FMNL2: variants seen among roughly 807,000 people sequenced by gnomAD.
FMNL2 encodes the protein formin-like protein 2.
Under a neutral mutation model 130.2 loss-of-function variants are expected in FMNL2, and 51 were observed. That is an observed-to-expected ratio of 0.39 (90% confidence interval 0.31 to 0.49). FMNL2 has a LOEUF of 0.49. Among genes scored for constraint, FMNL2 ranks in the 20% least tolerant of loss-of-function variants. FMNL2 has a pLI of 0.85. For synonymous variants in FMNL2, 465 were observed against 467.1 expected (o/e 1.00, Z 0.06); for missense variants, 977 against 1,316.2 (o/e 0.74, Z 3.99).
intron 1 of FMNL2, among the ~76,000 whole-genome samples, chr2:152,346,081 G>T (rs1281805623): frequency 6.6e-6 from 1 of 151,826 alleles, no homozygotes; most frequent in East Asian, 1.9e-4. Flanking sequence ...CTGGAGTGCA[G>T]TGGCACAATC....
In FMNL2 at chr2:152,442,225, G is replaced by A. The variant is rs147887108; in HGVS notation, c.118-79718G>A. On this transcript the variant is annotated intron_variant, in intron 1 of 25. Coordinates refer to ENST00000288670, the MANE Select transcript of FMNL2 (RefSeq NM_052905.4). ...TTAATGAGCCATGCTTCTCACTTCT[G>A]TCCTTTTTCTTTTTTTCTTTCTTTT... Among the ~76,000 whole-genome samples, 834 of 151,764 alleles carry A rather than the reference G, an allele frequency of 5.5e-3. 9 individuals are homozygous for A. The highest frequency in any genetic ancestry group is 8.9e-3 in the Non-Finnish European group (603 of 67,870).
At chr2:152,407,365 T>A (rs181020870) in intron 1 of FMNL2, among the ~76,000 whole-genome samples, 3 of 152,264 alleles carry the variant, frequency 2.0e-5, no homozygotes, top group Non-Finnish European at 2.9e-5. Flanking sequence ...TACAGTCGTT[T>A]GGGAGAAACC....
chr2:152,444,421 C>A (rs557132983), intron 1 of FMNL2, among the ~76,000 whole-genome samples: 1 of 152,184 alleles, frequency 6.6e-6, no homozygotes, highest in African/African-American at 2.4e-5. Context: ...AGGCCCCATT[C>A]GGGTTTGCCT....
At chr2:152,555,898 C>A (rs560006484) in intron 4 of FMNL2, among the ~76,000 whole-genome samples, 3 of 152,308 alleles carry the variant, frequency 2.0e-5, no homozygotes, top group African/African-American at 4.8e-5. Flanking sequence ...GCTATGGGAA[C>A]CCTGAATATA....
chr2:152,590,008 T>TATATAC (rs1553482729), intron 9 of FMNL2, among the ~76,000 whole-genome samples: 1 of 86,832 alleles, frequency 1.2e-5, no homozygotes, highest in Non-Finnish European at 2.4e-5. Flanking sequence ...TATATATATA[T>TATATAC]ACATATACAT....
In FMNL2 at chr2:152,640,060, AG is replaced by A. The variant is rs1682949883; in HGVS notation, c.3045+5del. 1 of 1,548,480 alleles carries A rather than the reference AG, an allele frequency of 6.5e-7. No individual in the cohort carries two copies. Among genetic ancestry groups the A allele is most frequent in the Non-Finnish European group, 8.7e-7 (1 of 1,146,426 alleles). On this transcript the variant is annotated splice_donor_5th_base_variant and intron_variant, in intron 24 of 25. Coordinates refer to ENST00000288670, the MANE Select transcript of FMNL2 (RefSeq NM_052905.4). Reference sequence around the variant, plus strand: ...GATGGAGCAGCAGGATCCAAAGGTAAGAAGTGCCGCACTCATGAGACAGGTC... The same window carrying A: ...GATGGAGCAGCAGGATCCAAAGGTAAAAGTGCCGCACTCATGAGACAGGTC...
intron 6 of FMNL2, among the ~76,000 whole-genome samples, chr2:152,568,954 G>A (rs1027954733): frequency 1.3e-5 from 2 of 152,100 alleles, no homozygotes; most frequent in Admixed American, 6.5e-5. Flanking sequence ...TAGCTTATGA[G>A]TAGAGGTCTT....
chr2:152,553,036 G>C (rs1695023524), intron 4 of FMNL2, among the ~76,000 whole-genome samples: 1 of 152,138 alleles, frequency 6.6e-6, no homozygotes, highest in Non-Finnish European at 1.5e-5. Flanking sequence ...GCATGAGATG[G>C]CAGAAGGAAT....
At chr2:152,547,008 C>G (rs754476627) in intron 3 of FMNL2, among the ~76,000 whole-genome samples, 1 of 151,318 alleles carries the variant, frequency 6.6e-6, no homozygotes, top group African/African-American at 2.4e-5. Flanking sequence ...TGCAGTGGCC[C>G]GATTTCGGCT....
chr2:152,611,431 T>G, intron 10 of FMNL2, 64 bp from the exon 11 acceptor site: 1 of 803,760 alleles, frequency 1.2e-6, no homozygotes, highest in Non-Finnish European at 2.0e-6. Context: ...TGAAAGCACA[T>G]GTCTGCAGTT....
chr2:152,589,940 CAT>C (rs771625998), intron 9 of FMNL2, among the ~76,000 whole-genome samples: 3,356 of 66,626 alleles, frequency 0.05, 97 homozygotes, highest in African/African-American at 0.11. Context: ...TGGCTTTATA[CAT>C]ATATATATAT....
intron 1 of FMNL2, among the ~76,000 whole-genome samples, chr2:152,448,286 A>T (rs1688459806): frequency 6.6e-6 from 1 of 152,064 alleles, no homozygotes; most frequent in South Asian, 2.1e-4. Context: ...TTATTGCTTA[A>T]TTTTAAATTT....
chr2:152,437,557 A>AT (rs1687831662), intron 1 of FMNL2, among the ~76,000 whole-genome samples: 1 of 152,138 alleles, frequency 6.6e-6, no homozygotes, highest in South Asian at 2.1e-4. Context: ...AGATTGCTGG[A>AT]TTGATTTAGT....
At chr2:152,337,732 G>T (rs1443307401) in intron 1 of FMNL2, among the ~76,000 whole-genome samples, 1 of 152,120 alleles carries the variant, frequency 6.6e-6, no homozygotes, top group African/African-American at 2.4e-5. Context: ...ACACTACTGT[G>T]TGTCGCAGTT....
At chr2:152,576,221 A>G (rs2105696993) in intron 7 of FMNL2, among the ~76,000 whole-genome samples, 1 of 152,328 alleles carries the variant, frequency 6.6e-6, no homozygotes, top group Middle Eastern at 3.4e-3. Context: ...TAAATTTAAG[A>G]AGGGAAACAT....
At chr2:152,375,877 C>CTATATATATATATATATATATATATA (rs61564333) in intron 1 of FMNL2, among the ~76,000 whole-genome samples, 1 of 112,482 alleles carries the variant, frequency 8.9e-6, no homozygotes. Context: ...CTCTCTCTCT[C>CTATATATATATATATATATATATATA]TATATATATA....
intron 1 of FMNL2, among the ~76,000 whole-genome samples, chr2:152,368,954 G>C (rs1683719630): frequency 6.6e-6 from 1 of 152,158 alleles, no homozygotes; most frequent in Non-Finnish European, 1.5e-5. Flanking sequence ...TAAGGCATCA[G>C]GGTTATATCT....
intron 13 of FMNL2, among the ~76,000 whole-genome samples, chr2:152,617,725 C>T (rs1699032233): frequency 1.3e-5 from 2 of 152,162 alleles, no homozygotes; most frequent in Admixed American, 6.5e-5. Context: ...TTTTATTTGG[C>T]CTTAGTATTG....
intron 1 of FMNL2, among the ~76,000 whole-genome samples, chr2:152,491,805 G>A (rs530285162): frequency 6.6e-6 from 1 of 152,110 alleles, no homozygotes; most frequent in Admixed American, 6.5e-5. Context: ...ACAAAAATTA[G>A]CCTGGCGTGG....
Sources: allele counts gnomAD v4.1 joint callset (sites outside exome capture counted in the v4.1 genomes callset), GRCh38; gene constraint gnomAD v4.1.1; transcripts MANE v1.5; gene names NCBI Gene and HGNC (gene_info 2026-07-23, HGNC 2026-07-21).